The following MEOX2 variants were observed in gnomAD, a reference collection of about 807,000 sequenced individuals.
MEOX2 encodes mesenchyme homeobox 2, also known as homeobox protein MOX-2.
A neutral mutation model predicts 27.0 loss-of-function variants in MEOX2; 11 were observed. That is an observed-to-expected ratio of 0.41 (90% confidence interval 0.26 to 0.68). The LOEUF is 0.68. MEOX2 is among the 30% of genes least tolerant of loss of function. The pLI, the probability that MEOX2 is intolerant of heterozygous loss-of-function variation, is 0.33. For missense variants in MEOX2, 436 were observed against 385.4 expected (o/e 1.13, Z -1.10); for synonymous variants, 189 against 155.4 (o/e 1.22, Z -1.61).
In MEOX2 at chr7:15,659,384, T is replaced by C. The variant is rs555360307; in HGVS notation, c.517+26502A>G. Among the ~76,000 whole-genome samples, 3 of 152,246 alleles carry C rather than the reference T, an allele frequency of 2.0e-5. No individual in the cohort carries two copies. In the East Asian group the frequency reaches 5.8e-4, roughly 29 times the overall value. Reference sequence around the variant, plus strand: ...ACAAATGCTTTTGCAGTCGGGTGTGTGCATATAAAATGAAAATTTTATATC... The same window carrying C: ...ACAAATGCTTTTGCAGTCGGGTGTGCGCATATAAAATGAAAATTTTATATC... On this transcript the variant is annotated intron_variant, in intron 1 of 2. Coordinates refer to ENST00000262041, the MANE Select transcript of MEOX2 (RefSeq NM_005924.5).
intron 1 of MEOX2, among the ~76,000 whole-genome samples, chr7:15,639,785 TTATTTCTAGGCTCTC>T: frequency 6.6e-6 from 1 of 152,118 alleles, no homozygotes. Flanking sequence ...GAGTGTGGCT[TTATTTCTAGGCTCTC>T]TATTCTGTTC....
At chr7:15,644,750 T>A (rs1430977589) in intron 1 of MEOX2, among the ~76,000 whole-genome samples, 1 of 152,118 alleles carries the variant, frequency 6.6e-6, no homozygotes, top group African/African-American at 2.4e-5. Context: ...TTTTCTGGAG[T>A]AATGTACAGT....
At chr7:15,663,477 C>T (rs948522035) in intron 1 of MEOX2, among the ~76,000 whole-genome samples, 6 of 150,152 alleles carry the variant, frequency 4.0e-5, no homozygotes, top group African/African-American at 1.2e-4. Context: ...GGGTTACAGG[C>T]GCATGCCACC....
intron 1 of MEOX2, among the ~76,000 whole-genome samples, chr7:15,635,926 G>A (rs1232617302): frequency 6.6e-6 from 1 of 151,944 alleles, no homozygotes; most frequent in Non-Finnish European, 1.5e-5. Context: ...TCCTCTGCAA[G>A]TTTTATTTGG....
chr7:15,614,688 C>T (rs1201477719), intron 2 of MEOX2, among the ~76,000 whole-genome samples: 1 of 151,980 alleles, frequency 6.6e-6, no homozygotes, highest in Non-Finnish European at 1.5e-5. Flanking sequence ...ACCACATTAT[C>T]TTATTAATTA....
chr7:15,667,878 A>C (rs1782034282), intron 1 of MEOX2: 1 of 152,200 alleles, frequency 6.6e-6, no homozygotes, highest in African/African-American at 2.4e-5. Context: ...TTAATGAGGA[A>C]AATCCCTTAA....
chr7:15,660,356 C>G (rs1477278755), intron 1 of MEOX2, among the ~76,000 whole-genome samples: 7 of 152,106 alleles, frequency 4.6e-5, no homozygotes, highest in African/African-American at 1.7e-4. Context: ...TTTTACTCAG[C>G]ACAGTATTAG....
chr7:15,626,003 G>A (rs1459390000), intron 2 of MEOX2, among the ~76,000 whole-genome samples: 2 of 152,022 alleles, frequency 1.3e-5, no homozygotes, highest in Non-Finnish European at 2.9e-5. Flanking sequence ...TGGGTAAAGG[G>A]GCAGAAATAT....
chr7:15,670,060 T>A (rs562090362), intron 1 of MEOX2, among the ~76,000 whole-genome samples: 1 of 152,330 alleles, frequency 6.6e-6, no homozygotes, highest in African/African-American at 2.4e-5. Flanking sequence ...TTTGCTTTCC[T>A]GCTTCCAAAA....
chr7:15,636,626 G>A (rs931034230), intron 1 of MEOX2, among the ~76,000 whole-genome samples: 1 of 152,066 alleles, frequency 6.6e-6, no homozygotes, highest in South Asian at 2.1e-4. Flanking sequence ...CATTTCTTTG[G>A]AGATCTTAAA....
chr7:15,651,399 G>T (rs2115377236), intron 1 of MEOX2, among the ~76,000 whole-genome samples: 1 of 151,952 alleles, frequency 6.6e-6, no homozygotes, highest in African/African-American at 2.4e-5. Context: ...AATTTTCTCT[G>T]ATAAAATTGC....
chr7:15,675,193 G>A (rs1782172873), intron 1 of MEOX2, among the ~76,000 whole-genome samples: 1 of 152,034 alleles, frequency 6.6e-6, no homozygotes, highest in African/African-American at 2.4e-5. Flanking sequence ...AAGCCCATCT[G>A]CACATTGCCA....
At chr7:15,653,506 C>G (rs993886474) in intron 1 of MEOX2, among the ~76,000 whole-genome samples, 34 of 151,924 alleles carry the variant, frequency 2.2e-4, no homozygotes, top group African/African-American at 8.2e-4. Context: ...ATCAATTTTT[C>G]CTTTTATGGA....
chr7:15,618,749 C>T lies in MEOX2; in HGVS notation c.691-6138G>A, dbSNP rs976460091. Among the ~76,000 whole-genome samples, 4 of 151,718 alleles carry T rather than the reference C, an allele frequency of 2.6e-5. No individual in the cohort carries two copies. In the South Asian group the frequency reaches 6.2e-4, roughly 24 times the overall value. ...AAATTCTTTATCAGAATCTATGTGA[C>T]ACTTTACTGCCCTGGTTATTTCATT... On this transcript the variant is annotated intron_variant, in intron 2 of 2. Coordinates refer to ENST00000262041, the MANE Select transcript of MEOX2 (RefSeq NM_005924.5).
intron 1 of MEOX2, among the ~76,000 whole-genome samples, chr7:15,649,597 G>C (rs559429443): frequency 1.6e-4 from 24 of 152,164 alleles, no homozygotes; most frequent in African/African-American, 5.1e-4. Context: ...GGACTGACTA[G>C]TCAGTGCAGG....
At chr7:15,627,001 T>A in intron 1 of MEOX2, 83 bp from the exon 2 acceptor site, 1 of 1,388,526 alleles carries the variant, frequency 7.2e-7, no homozygotes, top group Non-Finnish European at 1.0e-6. Context: ...ATTGAATTAC[T>A]ACTTTTCCAG....
At chr7:15,667,513 T>A (rs902239641) in intron 1 of MEOX2, among the ~76,000 whole-genome samples, 1 of 152,040 alleles carries the variant, frequency 6.6e-6, no homozygotes, top group East Asian at 1.9e-4. Flanking sequence ...TTCGTCTTAG[T>A]GTACCCAAAG....
At chr7:15,648,819 C>G (rs1781689744) in intron 1 of MEOX2, among the ~76,000 whole-genome samples, 1 of 152,064 alleles carries the variant, frequency 6.6e-6, no homozygotes, top group Admixed American at 6.6e-5. Flanking sequence ...ATTAATCACC[C>G]AGAGGAAGTA....
intron 1 of MEOX2, among the ~76,000 whole-genome samples, chr7:15,644,510 G>T (rs1173868923): frequency 1.3e-4 from 20 of 152,166 alleles, no homozygotes. Flanking sequence ...ACCCAAGAAA[G>T]TTCTCCAAGA....
Sources: gnomAD v4.1 joint callset for allele counts (sites outside exome capture counted in the v4.1 genomes callset) on GRCh38, gnomAD v4.1.1 for gene constraint, MANE v1.5 for transcripts, NCBI Gene and HGNC (gene_info 2026-07-23, HGNC 2026-07-21) for gene names.